Variants in COG5 observed in about 807,000 individuals in gnomAD.
COG5 encodes the protein conserved oligomeric Golgi complex subunit 5.
COG5 carries 86 observed loss-of-function variants against 110.4 expected under a neutral mutation model. The ratio of observed to expected loss-of-function variants is 0.78; its 90% CI spans 0.65 to 0.93. The LOEUF (loss-of-function observed/expected upper bound fraction) is 0.93. Ranked by LOEUF, COG5 falls within the 40% of genes least tolerant of loss-of-function variation. COG5 has a pLI of 0.00. For synonymous variants in COG5, 360 were observed against 334.6 expected (o/e 1.08, Z -0.83); for missense variants, 1,077 against 987.0 (o/e 1.09, Z -1.22).
intron 10 of COG5, among the ~76,000 whole-genome samples, chr7:107,354,607 C>T (rs906371742): frequency 1.3e-4 from 19 of 151,912 alleles, no homozygotes; most frequent in African/African-American, 4.1e-4. Flanking sequence ...ACCTAGGAGG[C>T]GGAGGTTGCA....
chr7:107,286,985 A>C (rs1443181278), intron 12 of COG5, among the ~76,000 whole-genome samples: 1 of 152,202 alleles, frequency 6.6e-6, no homozygotes, highest in Non-Finnish European at 1.5e-5. Context: ...CTAAGTAAAA[A>C]GGTTTTATTG....
intron 6 of COG5, among the ~76,000 whole-genome samples, chr7:107,453,062 A>G (rs1795436651): frequency 1.3e-5 from 2 of 152,192 alleles, no homozygotes; most frequent in South Asian, 4.1e-4. Context: ...CTACAAATGC[A>G]TTGTCATTGT....
At chr7:107,256,166 T>A (rs1048212782) in intron 16 of COG5, among the ~76,000 whole-genome samples, 2 of 152,136 alleles carry the variant, frequency 1.3e-5, no homozygotes, top group African/African-American at 4.8e-5. Context: ...TATGTTTGTA[T>A]AGAAAAAATG....
intron 10 of COG5, among the ~76,000 whole-genome samples, chr7:107,347,867 C>T (rs773690603): frequency 4.6e-5 from 7 of 152,106 alleles, no homozygotes; most frequent in Non-Finnish European, 8.8e-5. Flanking sequence ...TGGCTCATGC[C>T]TGCAATCCCA....
At chr7:107,518,692 C>T (rs1403113540) in intron 6 of COG5, among the ~76,000 whole-genome samples, 2 of 152,134 alleles carry the variant, frequency 1.3e-5, no homozygotes, top group African/African-American at 2.4e-5. Context: ...GAGACTCAGA[C>T]TCCCACACAG....
At chr7:107,329,543 T>C (rs1465522259) in intron 10 of COG5, among the ~76,000 whole-genome samples, 1 of 152,124 alleles carries the variant, frequency 6.6e-6, no homozygotes, top group Non-Finnish European at 1.5e-5. Context: ...TAAATCTATA[T>C]CTCCTACCAA....
At chr7:107,540,460 C>T (rs1318953337) in intron 5 of COG5, among the ~76,000 whole-genome samples, 4 of 151,444 alleles carry the variant, frequency 2.6e-5, no homozygotes, top group African/African-American at 9.7e-5. Context: ...TGCCTTTAGT[C>T]CCAGCTACTT....
intron 11 of COG5, among the ~76,000 whole-genome samples, chr7:107,299,937 T>C (rs114292124): frequency 0.015 from 2,188 of 148,970 alleles, 52 homozygotes; most frequent in African/African-American, 0.052. Context: ...CCCAGGCTGT[T>C]CTTTAACTCC....
chr7:107,524,784 C>T (rs1348257930), intron 6 of COG5, among the ~76,000 whole-genome samples: 1 of 152,238 alleles, frequency 6.6e-6, no homozygotes, highest in East Asian at 1.9e-4. Flanking sequence ...CCACCATGAA[C>T]TATATCTTCT....
Position 107,203,306 on chromosome 7 carries a change from C to G in COG5, c.*210G>C, listed in dbSNP as rs1406584860. ...GAGGAAAACATCTTTCTGGAAAAAT[C>G]AGGTCCATGGAATTGAAAGGTGGTG... On this transcript the variant is annotated 3_prime_UTR_variant, in exon 22 of 22. Transcript: ENST00000297135. The G allele has an allele frequency of 5.2e-6, 3 of 576,770 alleles. No individual in the cohort carries two copies. The highest frequency in any genetic ancestry group is 2.1e-5 in the South Asian group (1 of 48,440). 35.7% of individuals were successfully genotyped at this position (576,770 alleles called of 1,614,324 possible).
chr7:107,542,067 T>C (rs1802080009), intron 5 of COG5, among the ~76,000 whole-genome samples: 1 of 151,728 alleles, frequency 6.6e-6, no homozygotes, highest in Non-Finnish European at 1.5e-5. Context: ...GGCAAAACAA[T>C]ACGTGCTTTT....
intron 6 of COG5, among the ~76,000 whole-genome samples, chr7:107,486,052 G>A (rs1217796084): frequency 6.6e-6 from 1 of 152,000 alleles, no homozygotes; most frequent in Non-Finnish European, 1.5e-5. Context: ...TTTGACACTA[G>A]TATACTCCAC....
rs545870916 is a variant in COG5, at chr7:107,479,456, T to C, written c.538+47781A>G. On this transcript the variant is annotated intron_variant, in intron 6 of 21. Transcript: ENST00000297135. The stretch of plus-strand genomic sequence containing the variant: ...TAGGAAGCTGCTGCCATCACCTTCA[T>C]AGCTAGTGAAAGGCCTGGCAAAAAG... 5.4e-4 allele frequency among the ~76,000 whole-genome samples: 82 copies of C among 152,226 alleles called. No homozygotes were observed. The South Asian group carries it at 0.011, about 20-fold the overall frequency.
intron 3 of COG5, among the ~76,000 whole-genome samples, chr7:107,550,282 C>A (rs1184414699): frequency 1.3e-5 from 2 of 152,088 alleles, no homozygotes; most frequent in Non-Finnish European, 2.9e-5. Context: ...GCACCATCAA[C>A]TTCAACTATT....
chr7:107,414,593 G>C (rs1163606475), intron 6 of COG5, among the ~76,000 whole-genome samples: 1 of 144,938 alleles, frequency 6.9e-6, no homozygotes, highest in African/African-American at 2.5e-5. Flanking sequence ...GTTTATTCTA[G>C]TTTATTATAG....
intron 12 of COG5, among the ~76,000 whole-genome samples, chr7:107,288,955 TA>T (rs1562952466): frequency 1.7e-5 from 2 of 119,424 alleles, no homozygotes; most frequent in East Asian, 4.9e-4. Flanking sequence ...TATATATATA[TA>T]TATATATTTA....
At chr7:107,259,793 G>A (rs1803183833) in intron 14 of COG5, among the ~76,000 whole-genome samples, 1 of 152,078 alleles carries the variant, frequency 6.6e-6, no homozygotes, top group South Asian at 2.1e-4. Flanking sequence ...AGTATTTAAT[G>A]AGTAGATATG....
intron 14 of COG5, chr7:107,258,667 G>T (rs895145099): frequency 1.4e-5 from 6 of 426,272 alleles, no homozygotes; most frequent in Non-Finnish European, 2.6e-5. Context: ...ACAGCTGATG[G>T]ACTCTTGAGG....
chr7:107,336,473 T>C lies in COG5; in HGVS notation c.1027-11952A>G, dbSNP rs118059795. 9.9e-3 allele frequency among the ~76,000 whole-genome samples: 1,513 copies of C among 152,254 alleles called. 14 individuals carry two copies. The highest frequency in any genetic ancestry group is 0.016 in the Non-Finnish European group (1,067 of 68,012). ...AGAAGAAATAAGACCCAGAGTTCGATAGATCAGCAGGGTGATGACAGTTAA... is the reference window on the plus strand; with the variant it reads ...AGAAGAAATAAGACCCAGAGTTCGACAGATCAGCAGGGTGATGACAGTTAA... On this transcript the variant is annotated intron_variant, in intron 10 of 21. Coordinates refer to ENST00000297135, the MANE Select transcript of COG5 (RefSeq NM_006348.5).
Sources: gnomAD v4.1 joint callset for allele counts (sites outside exome capture counted in the v4.1 genomes callset) on GRCh38, gnomAD v4.1.1 for gene constraint, MANE v1.5 for transcripts, NCBI Gene and HGNC (gene_info 2026-07-23, HGNC 2026-07-21) for gene names.